The following KYNU variants were observed in gnomAD, a reference collection of about 807,000 sequenced individuals.
The protein encoded by KYNU is L-kynurenine hydrolase.
In KYNU, 54 loss-of-function variants were observed where a neutral mutation model predicts 59.2. The ratio of observed to expected loss-of-function variants is 0.91; its 90% CI spans 0.73 to 1.14. KYNU has a LOEUF of 1.14. Ranked by LOEUF, KYNU falls within the 50% of genes most tolerant of loss-of-function variation. The probability of loss-of-function intolerance (pLI) is 0.00; values close to 1 mark genes in which losing one functional copy is unlikely to be tolerated. For synonymous variants in KYNU, 177 were observed against 192.0 expected (o/e 0.92, Z 0.65); for missense variants, 567 against 554.4 (o/e 1.02, Z -0.23).
chr2:142,938,116 ACC>A (rs1446348175), intron 4 of KYNU, among the ~76,000 whole-genome samples: 1 of 152,116 alleles, frequency 6.6e-6, no homozygotes, highest in Non-Finnish European at 1.5e-5. Flanking sequence ...GAAAAACAAA[ACC>A]TAGTCTGTTC....
At chr2:142,991,164 G>A (rs1472328299) in intron 10 of KYNU, among the ~76,000 whole-genome samples, 1 of 151,832 alleles carries the variant, frequency 6.6e-6, no homozygotes, top group Admixed American at 6.6e-5. Flanking sequence ...TTTGTTCAGG[G>A]GAACACTGAC....
At chr2:143,017,993 A>G (rs1354053490) in intron 10 of KYNU, among the ~76,000 whole-genome samples, 1 of 151,704 alleles carries the variant, frequency 6.6e-6, no homozygotes, top group African/African-American at 2.4e-5. Context: ...TTAGTGGGCA[A>G]AATATTTAGT....
chr2:143,051,768 A>G lies in KYNU; in HGVS notation c.*9596A>G, dbSNP rs1687270780. Reference sequence around the variant, plus strand: ...GTGGAATTGGGTCTTACTTTTGTAAATTGCCCAGTCTCAGGTATGTCTTTA... The same window carrying G: ...GTGGAATTGGGTCTTACTTTTGTAAGTTGCCCAGTCTCAGGTATGTCTTTA... On this transcript the variant is annotated 3_prime_UTR_variant, in exon 14 of 14. Transcript: ENST00000264170. The G allele has an allele frequency of 1.3e-5, 2 of 152,368 alleles. No homozygotes were observed. Among genetic ancestry groups the G allele is most frequent in the Non-Finnish European group, 2.9e-5 (2 of 68,220 alleles). The allele number at this position is 152,368 out of a possible 1,614,324, so 9.4% of individuals were successfully genotyped here.
rs141012912 is a variant in KYNU at position 142,993,951 on chromosome 2, C to T, written c.902+7930C>T. On this transcript the variant is annotated intron_variant, in intron 10 of 13. Transcript: ENST00000264170. ...TATTTTCTGTTCTAAAACTGCAGTC[C>T]AGTGTCTCTGAAGATATATAGGGTC... is the stretch of plus-strand genomic sequence containing the variant. Among the ~76,000 whole-genome samples, 41 of 152,092 alleles carry T rather than the reference C, an allele frequency of 2.7e-4. No homozygotes were observed. In the East Asian group the frequency reaches 7.8e-3, roughly 29 times the overall value.
At chr2:143,027,080 C>T (rs1176827573) in intron 10 of KYNU, among the ~76,000 whole-genome samples, 1 of 152,158 alleles carries the variant, frequency 6.6e-6, no homozygotes, top group East Asian at 1.9e-4. Flanking sequence ...GGCTTTTCAG[C>T]TTGAGGGTAG....
chr2:142,974,228 C>G (rs1464023704), intron 8 of KYNU, among the ~76,000 whole-genome samples: 1 of 152,122 alleles, frequency 6.6e-6, no homozygotes, highest in Non-Finnish European at 1.5e-5. Flanking sequence ...TTTTGAGGGC[C>G]TCAGTAAAGG....
chr2:142,913,679 G>GT (rs1682580169), intron 2 of KYNU, among the ~76,000 whole-genome samples: 1 of 152,190 alleles, frequency 6.6e-6, no homozygotes, highest in Admixed American at 6.5e-5. Flanking sequence ...TGGTTGATGG[G>GT]TGGAATGTTT....
intron 10 of KYNU, among the ~76,000 whole-genome samples, chr2:143,003,224 A>T (rs1685762050): frequency 6.7e-6 from 1 of 150,104 alleles, no homozygotes; most frequent in Admixed American, 6.6e-5. Context: ...TGTTCAAATT[A>T]ACTTAAGATA....
At chr2:142,903,432 G>T (rs897825949) in intron 2 of KYNU, among the ~76,000 whole-genome samples, 1 of 151,886 alleles carries the variant, frequency 6.6e-6, no homozygotes. Context: ...AAGGGAGTGG[G>T]GTTTTTAGGC....
In KYNU at chr2:142,921,809, A is replaced by AATAC. The variant is rs11274854; in HGVS notation, c.290+3127_290+3130dup. On this transcript the variant is annotated intron_variant, in intron 3 of 13. Transcript: ENST00000264170. ...GGGCTACAGCAAGACCATGTCTTTAAATACATACATACATACATACATACA... is the reference window on the plus strand; with the variant it reads ...GGGCTACAGCAAGACCATGTCTTTAAATACATACATACATACATACATACATACA... Among the ~76,000 whole-genome samples, 814 of 147,968 alleles carry AATAC rather than the reference A, an allele frequency of 5.5e-3. 2 individuals are homozygous for AATAC. Among genetic ancestry groups the AATAC allele is most frequent in the Middle Eastern group, 0.01 (3 of 286 alleles).
chr2:142,979,454 A>G (rs1020964282), intron 8 of KYNU, among the ~76,000 whole-genome samples: 8 of 152,178 alleles, frequency 5.3e-5, no homozygotes, highest in African/African-American at 1.9e-4. Flanking sequence ...ATATACAAAC[A>G]GGGCAGTAGA....
chr2:143,024,936 ATC>A (rs1686509306), intron 10 of KYNU, among the ~76,000 whole-genome samples: 1 of 152,050 alleles, frequency 6.6e-6, no homozygotes, highest in African/African-American at 2.4e-5. Flanking sequence ...TTTTAAATAT[ATC>A]TTTTTGTTTA....
chr2:143,020,684 T>A (rs866441643), intron 10 of KYNU, among the ~76,000 whole-genome samples: 7 of 152,210 alleles, frequency 4.6e-5, no homozygotes, highest in African/African-American at 1.7e-4. Context: ...TCTTTGTTGA[T>A]TTTCTGTGTA....
intron 4 of KYNU, among the ~76,000 whole-genome samples, chr2:142,939,685 A>G (rs557735196): frequency 6.6e-6 from 1 of 152,180 alleles, no homozygotes; most frequent in African/African-American, 2.4e-5. Context: ...TTCTATGACA[A>G]ATACCGAGGA....
chr2:143,032,418 C>T (rs1299966816), intron 11 of KYNU, among the ~76,000 whole-genome samples: 2 of 152,122 alleles, frequency 1.3e-5, no homozygotes, highest in African/African-American at 4.8e-5. Context: ...CCATCAGGTC[C>T]CACCCTCGAC....
intron 10 of KYNU, among the ~76,000 whole-genome samples, chr2:143,018,874 A>G (rs967811846): frequency 3.3e-5 from 5 of 151,728 alleles, no homozygotes; most frequent in African/African-American, 9.7e-5. Context: ...TAGGTATTTT[A>G]TTTATTTATT....
chr2:142,924,459 A>G (rs1402207990), intron 3 of KYNU, among the ~76,000 whole-genome samples: 2 of 152,164 alleles, frequency 1.3e-5, no homozygotes, highest in African/African-American at 2.4e-5. Context: ...AAAAAATTAT[A>G]ATGTAATGAA....
At chr2:142,911,066 G>T (rs946935581) in intron 2 of KYNU, among the ~76,000 whole-genome samples, 1 of 152,058 alleles carries the variant, frequency 6.6e-6, no homozygotes, top group African/African-American at 2.4e-5. Context: ...GGTCACATAC[G>T]AATTTTAGAA....
chr2:142,956,923 A>G (rs555426919), intron 6 of KYNU, among the ~76,000 whole-genome samples: 3 of 152,172 alleles, frequency 2.0e-5, no homozygotes, highest in Non-Finnish European at 4.4e-5. Context: ...CAGGAGGAAC[A>G]CTTGAGCCCA....
Sources: allele counts gnomAD v4.1 joint callset (sites outside exome capture counted in the v4.1 genomes callset), GRCh38; gene constraint gnomAD v4.1.1; transcripts MANE v1.5; gene names NCBI Gene and HGNC (gene_info 2026-07-23, HGNC 2026-07-21).